The following GRAMD4 variants were observed in gnomAD, a reference collection of about 807,000 sequenced individuals.
The protein encoded by GRAMD4 is GRAM domain-containing protein 4.
Under a neutral mutation model 83.9 loss-of-function variants are expected in GRAMD4, and 25 were observed. The ratio of observed to expected loss-of-function variants is 0.30; its 90% confidence interval spans 0.22 to 0.42. The LOEUF (loss-of-function observed/expected upper bound fraction) is 0.42. GRAMD4 is among the 10% of genes least tolerant of loss of function. The pLI, the probability that GRAMD4 is intolerant of heterozygous loss-of-function variation, is 1.00. For synonymous variants in GRAMD4, 336 were observed against 320.9 expected, an observed-to-expected ratio of 1.05 and a Z score of -0.50; for missense variants, 593 against 788.7, an observed-to-expected ratio of 0.75 and a Z score of 2.97.
chr22:46,680,050 G>C (rs1384724919), downstream of GRAMD4, among the ~76,000 whole-genome samples: 1 of 152,254 alleles, frequency 6.6e-6, no homozygotes, highest in East Asian at 1.9e-4. Flanking sequence ...GAAGACAGGA[G>C]GCCAGGTGGC....
At chr22:46,614,668 C>G (rs922809001) in intron 1 of GRAMD4, among the ~76,000 whole-genome samples, 3 of 152,030 alleles carry the variant, frequency 2.0e-5, no homozygotes, top group Non-Finnish European at 4.4e-5. Context: ...GTTGGCTGTC[C>G]AGAATTTATA....
At chr22:46,651,597 C>G (rs1279083759) in intron 3 of GRAMD4, among the ~76,000 whole-genome samples, 5 of 152,242 alleles carry the variant, frequency 3.3e-5, no homozygotes, top group Admixed American at 3.3e-4. Context: ...TCACACACGT[C>G]TTGCACATGT....
chr22:46,677,566 T>G lies in GRAMD4; in HGVS notation c.*315T>G. 1 of 1,122,208 alleles carries G rather than the reference T, an allele frequency of 8.9e-7. No homozygotes were observed. Among genetic ancestry groups the G allele is most frequent in the South Asian group, 3.1e-5 (1 of 32,600 alleles). The allele number at this position is 1,122,208 out of a possible 1,614,324, so 69.5% of individuals were successfully genotyped here. A position where few individuals can be genotyped will look rare whatever the true frequency, so the allele number is the denominator to read the frequency against. On this transcript the variant is annotated 3_prime_UTR_variant, in exon 19 of 19. Coordinates refer to ENST00000406902, the MANE Select transcript of GRAMD4 (RefSeq NM_015124.5). ...CACAGGACCCCTGGCCCTGCCCTTC[T>G]CCGTTCCAGCCTGGACAGAGAAACC...
chr22:46,667,037 C>G (rs899215601), intron 10 of GRAMD4, among the ~76,000 whole-genome samples, 164 bp downstream of exon 10: 4 of 152,344 alleles, frequency 2.6e-5, no homozygotes, highest in Admixed American at 2.0e-4. Flanking sequence ...CCAGCCCCTC[C>G]CTAGCCCCAA....
At chr22:46,635,040 C>T (rs950677484) in intron 2 of GRAMD4, among the ~76,000 whole-genome samples, 7 of 151,736 alleles carry the variant, frequency 4.6e-5, no homozygotes, top group African/African-American at 1.2e-4. Flanking sequence ...AAGTGTCCTT[C>T]GTCCCTTTGT....
chr22:46,629,427 G>A (rs575061971), intron 2 of GRAMD4, among the ~76,000 whole-genome samples: 1 of 152,294 alleles, frequency 6.6e-6, no homozygotes, highest in Admixed American at 6.5e-5. Flanking sequence ...CCCTCCTCCT[G>A]GTTCCAGGGC....
chr22:46,641,523 C>T (rs182936938), intron 3 of GRAMD4, among the ~76,000 whole-genome samples: 13 of 152,016 alleles, frequency 8.6e-5, no homozygotes, highest in East Asian at 5.8e-4. Context: ...TGTCTCTCTC[C>T]GGTCTTGACC....
chr22:46,649,675 T>C (rs2082136188), intron 3 of GRAMD4, among the ~76,000 whole-genome samples: 1 of 152,236 alleles, frequency 6.6e-6, no homozygotes, highest in African/African-American at 2.4e-5. Flanking sequence ...TTCCTGGTTA[T>C]CAGCCAAGAC....
At chr22:46,651,517 C>G (rs1050500066) in intron 3 of GRAMD4, among the ~76,000 whole-genome samples, 5 of 152,238 alleles carry the variant, frequency 3.3e-5, no homozygotes, top group Non-Finnish European at 4.4e-5. Context: ...TGTGATATCA[C>G]ACGCATCCTG....
chr22:46,616,090 G>C (rs1299915728), upstream of GRAMD4, among the ~76,000 whole-genome samples: 4 of 142,556 alleles, frequency 2.8e-5, no homozygotes, highest in Admixed American at 7.0e-5. Context: ...CCCCAAGCGT[G>C]TAGGTTCCCC....
In GRAMD4 at chr22:46,678,014, G is replaced by T; in HGVS notation, c.*763G>T. The T allele has an allele frequency of 9.1e-6, 9 of 985,718 alleles. No homozygotes were observed. The highest frequency in any genetic ancestry group is 1.1e-5 in the Non-Finnish European group (9 of 830,112). 61.1% of individuals were successfully genotyped at this position (985,718 alleles called of 1,614,324 possible). On this transcript the variant is annotated 3_prime_UTR_variant, in exon 19 of 19. Coordinates refer to ENST00000406902, the MANE Select transcript of GRAMD4 (RefSeq NM_015124.5). Reference sequence around the variant, plus strand: ...CTCGGCCTGACACGCCGGCCAGGAGGTCTGTAGCTGGGGACCAGTAAGGGC... The same window carrying T: ...CTCGGCCTGACACGCCGGCCAGGAGTTCTGTAGCTGGGGACCAGTAAGGGC...
At chr22:46,656,595 AC>A (rs1302604478) in intron 3 of GRAMD4, among the ~76,000 whole-genome samples, 1 of 152,118 alleles carries the variant, frequency 6.6e-6, no homozygotes, top group East Asian at 1.9e-4. Context: ...AAAGGAAGCT[AC>A]TGGGGTCACT....
Position 46,679,459 on chromosome 22 carries a change from G to A in GRAMD4, c.*2208G>A, listed in dbSNP as rs899510870. ...CTGGAAGTCCTCGGGAGCGGAGCGC[G>A]GATCGGCACGGGCTCTGGGCTCCCC... On this transcript the variant is annotated 3_prime_UTR_variant, in exon 19 of 19. Transcript: ENST00000406902. The A allele has an allele frequency of 6.2e-5, 61 of 985,442 alleles. No individual in the cohort carries two copies. The highest frequency in any genetic ancestry group is 1.8e-4 in the Admixed American group (3 of 16,276). The allele number at this position is 985,442 out of a possible 1,614,324, so 61.0% of individuals were successfully genotyped here.
In GRAMD4 at chr22:46,672,198, G is replaced by C. The variant is rs772625486; in HGVS notation, c.1085-645G>C. 6.6e-6 allele frequency among the ~76,000 whole-genome samples: 1 copy of C among 152,238 alleles called. No homozygotes were observed. Among genetic ancestry groups the C allele is most frequent in the Non-Finnish European group, 1.5e-5 (1 of 68,042 alleles). On this transcript the variant is annotated intron_variant, in intron 13 of 18. Coordinates refer to ENST00000406902, the MANE Select transcript of GRAMD4 (RefSeq NM_015124.5). The surrounding 1 kb of genome is among the most constrained non-coding windows in gnomAD (Gnocchi z 4.7). ...CTGTTGCCAGGTGGGGTCCTGGGGC[G>C]CAGTCAGGCCTGGCTCTTCTGAGGT...
At chr22:46,619,816 G>A (rs1467130296), upstream of GRAMD4, among the ~76,000 whole-genome samples, 1 of 152,206 alleles carries the variant, frequency 6.6e-6, no homozygotes, top group African/African-American at 2.4e-5. Flanking sequence ...GGAGGGCCAG[G>A]TGGGGGCTGG....
intron 1 of GRAMD4, among the ~76,000 whole-genome samples, chr22:46,600,173 CACCT>C (rs1489987640): frequency 1.3e-5 from 2 of 152,188 alleles, no homozygotes; most frequent in African/African-American, 4.8e-5. Context: ...GTGAGAGAAT[CACCT>C]GCCTGTGACC....
chr22:46,681,663 G>A (rs1165053184), downstream of GRAMD4, among the ~76,000 whole-genome samples: 1 of 152,248 alleles, frequency 6.6e-6, no homozygotes, highest in Non-Finnish European at 1.5e-5. Flanking sequence ...GTCACCCAGG[G>A]TGGGGGTGCG....
intron 2 of GRAMD4, among the ~76,000 whole-genome samples, chr22:46,635,863 C>T (rs1013345835): frequency 5.3e-5 from 8 of 150,662 alleles, no homozygotes; most frequent in South Asian, 2.1e-4. Flanking sequence ...GTCTGAAACA[C>T]GCCAGGGTCC....
intron 2 of GRAMD4, among the ~76,000 whole-genome samples, chr22:46,630,031 CTTTT>C (rs767819677): frequency 6.8e-6 from 1 of 147,324 alleles, no homozygotes; most frequent in East Asian, 2.0e-4. Flanking sequence ...TTTTCTTATT[CTTTT>C]TTTTTTTGAG....
Sources: allele counts gnomAD v4.1 joint callset (sites outside exome capture counted in the v4.1 genomes callset), GRCh38; gene constraint gnomAD v4.1.1; non-coding constraint Gnocchi (gnomAD v3.1); transcripts MANE v1.5; gene names NCBI Gene and HGNC (gene_info 2026-07-23, HGNC 2026-07-21).